The following DMD variants were observed in gnomAD, a reference collection of about 807,000 sequenced individuals.
The protein encoded by DMD is mutant dystrophin.
Under a neutral mutation model 330.1 loss-of-function variants are expected in DMD, and 63 were observed. That is an observed-to-expected ratio of 0.19 (90% CI 0.16 to 0.24). DMD has a LOEUF of 0.24. DMD is among the 10% of genes least tolerant of loss of function. DMD has a pLI of 1.00. For synonymous variants in DMD, 1,223 were observed against 959.8 expected (o/e 1.27, Z -5.07); for missense variants, 3,344 against 2,684.1 (o/e 1.25, Z -5.43).
chrX:32,463,870 AATG>A (rs769632751), intron 24 of DMD, among the ~76,000 whole-genome samples: 2 of 112,047 alleles, frequency 1.8e-5, no homozygotes, highest in Non-Finnish European at 3.8e-5. Context: ...TGGTTAGAAA[AATG>A]TGTGAAAATG....
chrX:32,915,146 T>TGG (rs11452739), intron 2 of DMD, among the ~76,000 whole-genome samples: 3 of 110,810 alleles, frequency 2.7e-5, no homozygotes, highest in Non-Finnish European at 5.7e-5. Flanking sequence ...ATCCCAAAGT[T>TGG]GGGGGGACAT....
chrX:31,735,756 A>G (rs746792589), intron 51 of DMD, among the ~76,000 whole-genome samples: 2 of 111,959 alleles, frequency 1.8e-5, no homozygotes, highest in Non-Finnish European at 3.8e-5. Flanking sequence ...TCCTTAACAG[A>G]TAACAACCAC....
chrX:32,595,035 T>C (rs1246982175), intron 13 of DMD, among the ~76,000 whole-genome samples: 1 of 111,370 alleles, frequency 9.0e-6, no homozygotes, highest in Non-Finnish European at 1.9e-5. Context: ...TACAGAGCTA[T>C]ATAGAGGCAA....
intron 18 of DMD, among the ~76,000 whole-genome samples, chrX:32,512,444 A>T (rs2045434167): frequency 8.9e-6 from 1 of 112,232 alleles, no homozygotes; most frequent in Admixed American, 9.4e-5. Context: ...CTTAAATGCA[A>T]CTGCAGAACT....
At chrX:31,368,930 G>A (rs2059402045) in intron 60 of DMD, among the ~76,000 whole-genome samples, 1 of 111,532 alleles carries the variant, frequency 9.0e-6, no homozygotes. Flanking sequence ...ACAGGCATGA[G>A]CCACCATGCC....
At chrX:31,612,481 T>C (rs1379455296) in intron 55 of DMD, among the ~76,000 whole-genome samples, 1 of 111,663 alleles carries the variant, frequency 9.0e-6, no homozygotes, top group Non-Finnish European at 1.9e-5. Flanking sequence ...TGATGTGAAA[T>C]GCATTTTCTA....
intron 11 of DMD, among the ~76,000 whole-genome samples, chrX:32,629,131 T>A (rs1004427378): frequency 1.8e-5 from 2 of 111,882 alleles, no homozygotes; most frequent in Middle Eastern, 4.6e-3. Flanking sequence ...AATCACCGGC[T>A]ATTACTGTTT....
At chrX:32,056,170 C>T (rs2096171285) in intron 44 of DMD, among the ~76,000 whole-genome samples, 1 of 109,600 alleles carries the variant, frequency 9.1e-6, no homozygotes, top group Non-Finnish European at 1.9e-5. Flanking sequence ...CAGCATTGTC[C>T]TTCCAACTGC....
intron 2 of DMD, among the ~76,000 whole-genome samples, chrX:32,870,554 A>T (rs1056507127): frequency 6.3e-5 from 7 of 111,941 alleles, no homozygotes; most frequent in Non-Finnish European, 1.3e-4. Flanking sequence ...ACATCATGGT[A>T]CTGGTAGAAA....
At chrX:32,977,251 G>A (rs1220357198) in intron 2 of DMD, among the ~76,000 whole-genome samples, 1 of 111,059 alleles carries the variant, frequency 9.0e-6, no homozygotes, top group African/African-American at 3.3e-5. Context: ...ATTGAGCCGA[G>A]ATCATGCCAC....
intron 45 of DMD, among the ~76,000 whole-genome samples, chrX:31,933,580 C>T (rs762305792): frequency 2.7e-5 from 3 of 111,419 alleles, no homozygotes; most frequent in South Asian, 3.8e-4. Context: ...GTGTAATATA[C>T]GTACAGGACA....
intron 67 of DMD, among the ~76,000 whole-genome samples, chrX:31,200,948 A>G (rs1403803617): frequency 8.9e-6 from 1 of 111,991 alleles, no homozygotes; most frequent in Non-Finnish European, 1.9e-5. Context: ...AAGAAAACTC[A>G]GAAAATAAAA....
At position 32,448,567 on chromosome X, in the gene DMD, T is replaced by A. The variant is rs1353892949; in HGVS notation, c.3675A>T (p.Ile1225=). The A allele has an allele frequency of 2.5e-6, 3 of 1,207,155 alleles. No individual in the cohort carries two copies. The African/African-American group carries it at 5.3e-5, about 21-fold the overall frequency. The change falls in exon 27 of 79, where the codon ATA becomes ATT. Residue 1225 remains isoleucine, a synonymous_variant. Transcript: ENST00000357033. The stretch of plus-strand genomic sequence containing the variant: ...CTTGTGCTACAGGTGGAGCTTGAGC[T>A]ATGACACTATTTACAGACTCAGTAA... ...KLLTESVNSV[I]AQAPPVAQEA...
chrX:32,055,049 T>C (rs927316112), intron 44 of DMD, among the ~76,000 whole-genome samples: 1 of 111,703 alleles, frequency 9.0e-6, no homozygotes, highest in African/African-American at 3.2e-5. Context: ...TGCTGCTGTT[T>C]AAAAACTACA....
intron 60 of DMD, among the ~76,000 whole-genome samples, chrX:31,373,231 A>C (rs1225967381): frequency 9.3e-6 from 1 of 107,173 alleles, no homozygotes; most frequent in Non-Finnish European, 1.9e-5. Context: ...TATCGTGAAA[A>C]TGGCCATACT....
chrX:31,350,666 A>AGAGAAGC (rs1399937750), intron 60 of DMD, among the ~76,000 whole-genome samples: 1 of 105,434 alleles, frequency 9.5e-6, no homozygotes, highest in African/African-American at 3.5e-5. Context: ...AGAGAAGAGA[A>AGAGAAGC]GAGAAGCGAT....
At chrX:32,815,138 T>A (rs1260362815) in intron 6 of DMD, among the ~76,000 whole-genome samples, 1 of 110,763 alleles carries the variant, frequency 9.0e-6, no homozygotes, top group Non-Finnish European at 1.9e-5. Flanking sequence ...GTAATTCACC[T>A]GGAAACCCAG....
chrX:32,827,895 A>T (rs2078858354), intron 4 of DMD, among the ~76,000 whole-genome samples: 1 of 110,904 alleles, frequency 9.0e-6, no homozygotes, highest in South Asian at 3.9e-4. Flanking sequence ...TCCCGACCTC[A>T]GGTGATCCCG....
intron 61 of DMD, among the ~76,000 whole-genome samples, chrX:31,335,285 G>A (rs1321678913): frequency 2.7e-5 from 3 of 112,257 alleles, no homozygotes; most frequent in African/African-American, 9.7e-5. Flanking sequence ...AACTCTTTCT[G>A]GACATTAGAC....
Sources: gnomAD v4.1 joint callset for allele counts (sites outside exome capture counted in the v4.1 genomes callset) on GRCh38, gnomAD v4.1.1 for gene constraint, MANE v1.5 for transcripts, NCBI Gene and HGNC (gene_info 2026-07-23, HGNC 2026-07-21) for gene names.